The following NEBL variants were observed in gnomAD, a reference collection of about 807,000 sequenced individuals.
NEBL encodes the protein nebulette.
In NEBL, 122 loss-of-function variants were observed where a neutral mutation model predicts 140.2. The observed-to-expected ratio is 0.87, with a 90% CI of 0.75 to 1.01. The LOEUF (loss-of-function observed/expected upper bound fraction) is 1.01, where lower values mean the gene tolerates loss of function less well. Ranked by LOEUF, NEBL falls within the 50% of genes least tolerant of loss-of-function variation. The pLI is 0.00. For synonymous variants in NEBL, 436 were observed against 398.9 expected, an observed-to-expected ratio of 1.09 and a Z score of -1.11; for missense variants, 1,365 against 1,231.3, an observed-to-expected ratio of 1.11 and a Z score of -1.62.
intron 3 of NEBL, among the ~76,000 whole-genome samples, chr10:21,208,262 C>A (rs974255): frequency 0.012 from 1,801 of 152,262 alleles, 20 homozygotes; most frequent in Non-Finnish European, 0.019. Context: ...GACCAGCTAA[C>A]GTCTAGTTTC....
At chr10:21,090,694 C>A (rs908657385) in intron 2 of NEBL, among the ~76,000 whole-genome samples, 2 of 152,130 alleles carry the variant, frequency 1.3e-5, no homozygotes, top group African/African-American at 4.8e-5. Context: ...CAAATGCCAG[C>A]CTTTAGGAAT....
intron 26 of NEBL, among the ~76,000 whole-genome samples, chr10:20,792,759 C>A (rs181831171): frequency 1.3e-5 from 2 of 151,086 alleles, no homozygotes; most frequent in African/African-American, 4.9e-5. Context: ...GAGATCGTGC[C>A]TTTTCACTCC....
At chr10:20,964,537 A>G (rs1027856779) in intron 3 of NEBL, among the ~76,000 whole-genome samples, 1 of 152,068 alleles carries the variant, frequency 6.6e-6, no homozygotes, top group African/African-American at 2.4e-5. Context: ...ACCAGCTCTC[A>G]CGTGAACTCA....
At chr10:20,790,238 C>A (rs1835835700) in intron 26 of NEBL, among the ~76,000 whole-genome samples, 1 of 151,860 alleles carries the variant, frequency 6.6e-6, no homozygotes, top group Non-Finnish European at 1.5e-5. Flanking sequence ...TAAAAAGTTT[C>A]TTTGGGATTA....
chr10:21,288,425 G>A (rs1004230837), intron 1 of NEBL, among the ~76,000 whole-genome samples: 1 of 151,642 alleles, frequency 6.6e-6, no homozygotes, highest in East Asian at 2.0e-4. Flanking sequence ...CCAAGATCGT[G>A]CCACTGCACT....
intron 3 of NEBL, among the ~76,000 whole-genome samples, chr10:21,005,071 C>A (rs553600653): frequency 6.6e-5 from 10 of 152,280 alleles, no homozygotes; most frequent in African/African-American, 2.4e-4. Context: ...ACACCTTATG[C>A]CCTCCATTTT....
intron 4 of NEBL, among the ~76,000 whole-genome samples, chr10:20,929,784 T>A (rs1035576393): frequency 1.3e-5 from 2 of 152,080 alleles, no homozygotes; most frequent in African/African-American, 4.8e-5. Context: ...GATGAAAAGT[T>A]ACGAAATGAG....
At chr10:21,113,305 A>AAAAAAAAAAAAAAAAAAAAAAAG in intron 2 of NEBL, 1 of 339,132 alleles carries the variant, frequency 2.9e-6, no homozygotes, top group African/African-American at 2.3e-5. Flanking sequence ...AAAAAAAAAA[A>AAAAAAAAAAAAAAAAAAAAAAAG]ACCAGGAAAA....
chr10:21,269,542 G>A (rs915019466), intron 1 of NEBL, among the ~76,000 whole-genome samples: 6 of 152,280 alleles, frequency 3.9e-5, no homozygotes, highest in East Asian at 1.9e-4. Context: ...ATGAACGTTC[G>A]TGGTTAGAAC....
chr10:21,033,819 G>C (rs903427327), intron 2 of NEBL, among the ~76,000 whole-genome samples: 1 of 151,276 alleles, frequency 6.6e-6, no homozygotes, highest in African/African-American at 2.4e-5. Context: ...CTTATGATAT[G>C]GCTCTCGTTT....
chr10:20,793,530 G>T (rs1836206371), intron 26 of NEBL, among the ~76,000 whole-genome samples: 1 of 151,134 alleles, frequency 6.6e-6, no homozygotes, highest in South Asian at 2.1e-4. Context: ...ATTGCATAAT[G>T]GTGTCTTATT....
chr10:21,284,609 T>A (rs571437026), intron 1 of NEBL, among the ~76,000 whole-genome samples: 1 of 152,274 alleles, frequency 6.6e-6, no homozygotes, highest in East Asian at 1.9e-4. Context: ...ATAGCACACA[T>A]AAAGGAAGAG....
intron 13 of NEBL, 119 bp downstream of exon 13, chr10:20,840,620 G>A (rs1430019255): frequency 2.8e-6 from 2 of 723,860 alleles, no homozygotes; most frequent in Admixed American, 2.2e-5. Flanking sequence ...CAAGGATATA[G>A]CTGTTTACAA....
At chr10:21,041,195 C>A (rs970598155) in intron 2 of NEBL, among the ~76,000 whole-genome samples, 3 of 152,194 alleles carry the variant, frequency 2.0e-5, no homozygotes, top group African/African-American at 7.2e-5. Flanking sequence ...TTTCAGTCCT[C>A]ACTCTCCTCC....
In NEBL at chr10:21,078,861, C is replaced by T. The variant is rs371410298; in HGVS notation, c.165-58660G>A. Among the ~76,000 whole-genome samples the T allele has an allele frequency of 6.6e-5, 10 of 152,282 alleles. No individual in the cohort carries two copies. The East Asian group carries it at 1.7e-3, about 26-fold the overall frequency. On this transcript the variant is annotated intron_variant, in intron 2 of 6. Transcript: ENST00000417816. ...TTCAACTTGCTTATTAGCTGGCTGC[C>T]ACTTGGTGGCACTGTTGATTCCAGT...
intron 2 of NEBL, among the ~76,000 whole-genome samples, chr10:21,027,339 T>A (rs201143845): frequency 3.6e-5 from 5 of 140,698 alleles, no homozygotes; most frequent in South Asian, 2.3e-4. Flanking sequence ...TTTTTTTTTT[T>A]AATTTTCAGA....
At chr10:21,005,585 T>C (rs1838104928) in intron 3 of NEBL, among the ~76,000 whole-genome samples, 1 of 151,948 alleles carries the variant, frequency 6.6e-6, no homozygotes, top group African/African-American at 2.4e-5. Context: ...TAAAATAAAA[T>C]TAGCCAGGCA....
At chr10:20,807,487 G>A (rs1837711718) in intron 26 of NEBL, among the ~76,000 whole-genome samples, 1 of 152,104 alleles carries the variant, frequency 6.6e-6, no homozygotes, top group Non-Finnish European at 1.5e-5. Flanking sequence ...CCAAAATAAG[G>A]TCAGTCCAGT....
intron 9 of NEBL, among the ~76,000 whole-genome samples, chr10:20,856,936 C>T (rs940423445): frequency 6.6e-6 from 1 of 152,114 alleles, no homozygotes; most frequent in Admixed American, 6.6e-5. Flanking sequence ...TTAAATGATT[C>T]TCCTGCCTCA....
Sources: allele counts gnomAD v4.1 joint callset (sites outside exome capture counted in the v4.1 genomes callset), GRCh38; gene constraint gnomAD v4.1.1; transcripts MANE v1.5; gene names NCBI Gene and HGNC (gene_info 2026-07-23, HGNC 2026-07-21).